Variants in COL5A1 observed in about 807,000 individuals in gnomAD.
The protein encoded by COL5A1 is collagen type V alpha 1 chain.
Under a neutral mutation model 263.7 loss-of-function variants are expected in COL5A1, and 16 were observed. The observed-to-expected ratio is 0.06, with a 90% CI of 0.04 to 0.09. The LOEUF (loss-of-function observed/expected upper bound fraction) is 0.09, where lower values mean the gene tolerates loss of function less well. COL5A1 is among the 10% of genes least tolerant of loss of function. The pLI is 1.00. For missense variants in COL5A1, 2,036 were observed against 2,540.5 expected (o/e 0.80, Z 4.27); for synonymous variants, 1,012 against 1,004.5 (o/e 1.01, Z -0.14).
intron 4 of COL5A1, among the ~76,000 whole-genome samples, chr9:134,722,484 G>A (rs923356421): frequency 2.6e-5 from 4 of 152,204 alleles, no homozygotes; most frequent in East Asian, 3.8e-4. Context: ...CCTGGGGTAC[G>A]GGGTTGTGCC....
At chr9:134,830,599 C>T (rs972612731) in intron 64 of COL5A1, among the ~76,000 whole-genome samples, 3 of 152,316 alleles carry the variant, frequency 2.0e-5, no homozygotes, top group African/African-American at 4.8e-5. Context: ...CTAGGACCTG[C>T]ACCACGGATC....
intron 19 of COL5A1, among the ~76,000 whole-genome samples, chr9:134,762,473 A>G (rs28391608): frequency 0.13 from 19,699 of 151,782 alleles, 2,177 homozygotes; most frequent in African/African-American, 0.28. Context: ...GGGCCAGAGC[A>G]CAGGAGGGAG....
rs1564414492 is a variant in COL5A1 at position 134,727,404 on chromosome 9, TAACTC to T, written c.786+8_786+12del. 2.2e-5 allele frequency: 36 copies of T among 1,614,110 alleles called. No individual in the cohort carries two copies. Among genetic ancestry groups the T allele is most frequent in the Non-Finnish European group, 2.9e-5 (34 of 1,179,986 alleles). The stretch of plus-strand genomic sequence containing the variant: ...CCCCAATCCAGATGAATATGTGAGT[TAACTC>T]TGGCTGGGATCTTGGGGAGCATGAG... On this transcript the variant is annotated splice_region_variant and intron_variant, in intron 5 of 65. Transcript: ENST00000371817.
chr9:134,662,187 G>A (rs71506917), intron 1 of COL5A1, among the ~76,000 whole-genome samples: 1,719 of 151,606 alleles, frequency 0.011, 20 homozygotes, highest in Non-Finnish European at 0.016. Context: ...GGGTAGTCTG[G>A]TCTCTTTCTA....
At chr9:134,784,830 G>A (rs1465295422) in intron 29 of COL5A1, among the ~76,000 whole-genome samples, 159 bp from the exon 30 acceptor site, 1 of 152,238 alleles carries the variant, frequency 6.6e-6, no homozygotes, top group Non-Finnish European at 1.5e-5. Flanking sequence ...CAGTGGCTCC[G>A]GGAGCAGCTC....
chr9:134,770,050 G>C (rs1836820969), intron 25 of COL5A1, among the ~76,000 whole-genome samples: 1 of 152,210 alleles, frequency 6.6e-6, no homozygotes, highest in African/African-American at 2.4e-5. Context: ...CGAATTTAAA[G>C]CTTAAAATGT....
chr9:134,820,899 ACACACACGCACAGTATGCTGTGCC>A (rs898084681), intron 58 of COL5A1, among the ~76,000 whole-genome samples: 6 of 152,108 alleles, frequency 3.9e-5, no homozygotes, highest in African/African-American at 1.4e-4. Flanking sequence ...TGTGACGGAC[ACACACACGCACAGTATGCTGTGCC>A]CACCCACGCC....
intron 63 of COL5A1, among the ~76,000 whole-genome samples, chr9:134,829,258 G>A (rs370655532): frequency 1.3e-5 from 2 of 151,690 alleles, no homozygotes; most frequent in African/African-American, 2.4e-5. Context: ...AGGGGCTGGA[G>A]GGCTGGGGCC....
chr9:134,771,492 G>T (rs1040561528), intron 25 of COL5A1, among the ~76,000 whole-genome samples: 1 of 152,228 alleles, frequency 6.6e-6, no homozygotes, highest in African/African-American at 2.4e-5. Context: ...GGGGAACTTT[G>T]CGCCCTCCCA....
chr9:134,818,329 C>G lies in COL5A1; in HGVS notation c.4231-327C>G, dbSNP rs1041017564. On this transcript the variant is annotated intron_variant, in intron 54 of 65. Coordinates refer to ENST00000371817, the MANE Select transcript of COL5A1 (RefSeq NM_000093.5). This position sits in a 1 kb window ranked among gnomAD's most constrained non-coding sequence, Gnocchi z 6.0. ...TGATGGCGGCCCGGCCTGGCACTGTCTGCCTCCCTCCTGGAGGCGCCTGTT... is the reference window on the plus strand; with the variant it reads ...TGATGGCGGCCCGGCCTGGCACTGTGTGCCTCCCTCCTGGAGGCGCCTGTT... Among the ~76,000 whole-genome samples, 1 of 152,174 alleles carries G rather than the reference C, an allele frequency of 6.6e-6. No individual in the cohort carries two copies. Among genetic ancestry groups the G allele is most frequent in the Non-Finnish European group, 1.5e-5 (1 of 68,008 alleles).
chr9:134,826,274 G>A (rs1277324638), intron 63 of COL5A1, among the ~76,000 whole-genome samples: 1 of 152,166 alleles, frequency 6.6e-6, no homozygotes, highest in African/African-American at 2.4e-5. Context: ...GTACAATAAC[G>A]TGAGCCTGAG....
intron 4 of COL5A1, among the ~76,000 whole-genome samples, chr9:134,721,998 C>A (rs988446277): frequency 6.6e-6 from 1 of 152,240 alleles, no homozygotes; most frequent in African/African-American, 2.4e-5. Context: ...TGAGCCTGAG[C>A]CTTAGCACCT....
intron 4 of COL5A1, among the ~76,000 whole-genome samples, chr9:134,705,446 G>C (rs574297496): frequency 2.0e-5 from 3 of 152,360 alleles, no homozygotes; most frequent in Admixed American, 2.0e-4. Flanking sequence ...ATGCAGGGGA[G>C]GTGGGACACT....
chr9:134,731,760 AC>A, intron 8 of COL5A1, 97 bp downstream of exon 8: 2 of 1,331,094 alleles, frequency 1.5e-6, no homozygotes, highest in Non-Finnish European at 2.1e-6. Context: ...GTGGGCCTCT[AC>A]GGGCAGCTCA....
intron 4 of COL5A1, among the ~76,000 whole-genome samples, chr9:134,724,037 G>A (rs992172959): frequency 5.3e-5 from 8 of 151,810 alleles, no homozygotes; most frequent in South Asian, 2.1e-4. Flanking sequence ...CCCCTGCCTC[G>A]CACCACTCCC....
intron 18 of COL5A1, among the ~76,000 whole-genome samples, chr9:134,760,162 CACAT>C (rs1299822010): frequency 2.2e-5 from 3 of 135,332 alleles, no homozygotes; most frequent in East Asian, 2.4e-4. Context: ...CACATGCACA[CACAT>C]ACATGCACAC....
At chr9:134,834,210 C>G (rs1232681421) in intron 64 of COL5A1, among the ~76,000 whole-genome samples, 1 of 152,196 alleles carries the variant, frequency 6.6e-6, no homozygotes, top group East Asian at 1.9e-4. Flanking sequence ...TCAGGGGAAA[C>G]CAGGGCTCGC....
At position 134,726,453 on chromosome 9, in the gene COL5A1, G is replaced by A. The variant is rs185313493; in HGVS notation, c.655-813G>A. Among the ~76,000 whole-genome samples, 527 of 152,286 alleles carry A rather than the reference G, an allele frequency of 3.5e-3. 6 individuals carry two copies. The highest frequency in any genetic ancestry group is 5.6e-3 in the Non-Finnish European group (381 of 68,014). ...AGGTGGATAGGTAGATGGATGAATG[G>A]ATGAGTGGATGGATGGGTGAATGGG... is the stretch of plus-strand genomic sequence containing the variant. On this transcript the variant is annotated intron_variant, in intron 4 of 65. Transcript: ENST00000371817.
intron 42 of COL5A1, among the ~76,000 whole-genome samples, chr9:134,808,690 A>G (rs1175366763): frequency 2.0e-5 from 3 of 152,150 alleles, no homozygotes; most frequent in Admixed American, 6.5e-5. Flanking sequence ...ATGTATGCAC[A>G]TGTGTGTGCG....
Sources: allele counts gnomAD v4.1 joint callset (sites outside exome capture counted in the v4.1 genomes callset), GRCh38; gene constraint gnomAD v4.1.1; non-coding constraint Gnocchi (gnomAD v3.1); transcripts MANE v1.5; gene names NCBI Gene and HGNC (gene_info 2026-07-23, HGNC 2026-07-21).